Variants in PARVB observed in about 807,000 individuals in gnomAD.
PARVB encodes beta-parvin.
Under a neutral mutation model 47.0 loss-of-function variants are expected in PARVB, and 46 were observed. That is an observed-to-expected ratio of 0.98 (90% CI 0.77 to 1.25). The LOEUF (loss-of-function observed/expected upper bound fraction) is 1.25. PARVB is among the 50% of genes most tolerant of loss of function. The pLI is 0.00. For missense variants in PARVB, 473 were observed against 471.6 expected, an observed-to-expected ratio of 1.00 and a Z score of -0.03; for synonymous variants, 196 against 196.3, an observed-to-expected ratio of 1.00 and a Z score of 0.01.
intron 1 of PARVB, among the ~76,000 whole-genome samples, chr22:44,055,771 C>G (rs2051298874): frequency 6.6e-6 from 1 of 152,090 alleles, no homozygotes; most frequent in Non-Finnish European, 1.5e-5. Flanking sequence ...GCTGGAGACC[C>G]AGGAGGGCCA....
rs2053324870 is a variant in PARVB at position 44,131,644 on chromosome 22, A to AG, written c.517+22dup. 1 of 1,601,736 alleles carries AG rather than the reference A, an allele frequency of 6.2e-7. No homozygotes were observed. The highest frequency in any genetic ancestry group is 8.5e-7 in the Non-Finnish European group (1 of 1,174,394). ...GCGTGGACTGTGAGTTCCACGCCAC[A>AG]GGGGGAGGGACTGTCTGGAGGGAGC... On this transcript the variant is annotated intron_variant, in intron 5 of 12. Transcript: ENST00000338758.
chr22:44,069,884 G>A (rs1005384026), intron 1 of PARVB, among the ~76,000 whole-genome samples: 12 of 152,140 alleles, frequency 7.9e-5, no homozygotes, highest in African/African-American at 2.9e-4. Flanking sequence ...GTAGCTGATC[G>A]TGGCCGGTGC....
rs1485758735 is a variant in PARVB, at chr22:44,170,612, TG to T, written c.*1938del. ...CGCTCACCCCAGCTCTGCAGAGAAC[TG>T]GGGATCCCATCGGCCATGCTTTCTG... On this transcript the variant is annotated 3_prime_UTR_variant, in exon 13 of 13. Coordinates refer to ENST00000338758, the MANE Select transcript of PARVB (RefSeq NM_013327.5). 1 of 152,224 alleles carries T rather than the reference TG, an allele frequency of 6.6e-6. No individual in the cohort carries two copies. The highest frequency in any genetic ancestry group is 1.5e-5 in the Non-Finnish European group (1 of 68,052). The allele number at this position is 152,224 out of a possible 1,614,324, so 9.4% of individuals were successfully genotyped here.
At chr22:44,100,572 A>G (rs984642137) in intron 3 of PARVB, among the ~76,000 whole-genome samples, 2 of 152,070 alleles carry the variant, frequency 1.3e-5, no homozygotes, top group Non-Finnish European at 2.9e-5. Flanking sequence ...CTGAGTGGAC[A>G]GTCAGTTTCC....
At chr22:44,156,428 C>T (rs1383352880) in intron 10 of PARVB, among the ~76,000 whole-genome samples, 9 of 151,936 alleles carry the variant, frequency 5.9e-5, no homozygotes, top group Non-Finnish European at 2.9e-5. Flanking sequence ...TACAGGCATG[C>T]ACCACCACAC....
At chr22:44,028,157 G>A (rs530160277) in intron 1 of PARVB, among the ~76,000 whole-genome samples, 3 of 152,028 alleles carry the variant, frequency 2.0e-5, no homozygotes, top group Admixed American at 6.6e-5. Flanking sequence ...TGCTCTTGCC[G>A]TTGGACATTC....
intron 2 of PARVB, among the ~76,000 whole-genome samples, chr22:44,003,083 T>TTCAA (rs1166941468): frequency 6.6e-6 from 1 of 152,194 alleles, no homozygotes. Flanking sequence ...CCCCGTGCTT[T>TTCAA]TCAATCAATC....
intron 2 of PARVB, among the ~76,000 whole-genome samples, chr22:44,008,914 G>A (rs527324698): frequency 2.0e-5 from 3 of 152,170 alleles, no homozygotes; most frequent in Admixed American, 6.5e-5. Context: ...GCGTGAACCC[G>A]GGAGGCAGAG....
rs1322601542 is a variant in PARVB, at chr22:44,112,999, C to G, written c.274-6039C>G. ...ACCAACACAGATACATTGTTACTAA[C>G]TAAGGCCCTGCACCAGCACAGATAC... On this transcript the variant is annotated intron_variant, in intron 3 of 12. Coordinates refer to ENST00000338758, the MANE Select transcript of PARVB (RefSeq NM_013327.5). 170 of 60,482 alleles carry G rather than the reference C, an allele frequency of 2.8e-3. 5 individuals are homozygous for G. In the Middle Eastern group the frequency reaches 0.033, roughly 12 times the overall value. 3.7% of individuals were successfully genotyped at this position (60,482 alleles called of 1,614,324 possible).
chr22:44,164,896 C>T (rs958581125), intron 12 of PARVB, among the ~76,000 whole-genome samples: 1 of 152,250 alleles, frequency 6.6e-6, no homozygotes, highest in African/African-American at 2.4e-5. Flanking sequence ...TGCCAGTCCA[C>T]GCGGAAGGTT....
intron 3 of PARVB, chr22:44,114,842 C>T (rs200454560): frequency 8.9e-6 from 1 of 112,016 alleles, no homozygotes; most frequent in Non-Finnish European, 1.8e-5. Flanking sequence ...AGGCCCTGTA[C>T]CAACACAGAT....
intron 1 of PARVB, among the ~76,000 whole-genome samples, chr22:44,039,585 T>A (rs552607164): frequency 6.6e-6 from 1 of 151,784 alleles, no homozygotes; most frequent in Non-Finnish European, 1.5e-5. Flanking sequence ...AGAAGACTCT[T>A]GTACAGGAAT....
At chr22:44,138,439 A>G (rs2053485612) in intron 7 of PARVB, among the ~76,000 whole-genome samples, 1 of 152,144 alleles carries the variant, frequency 6.6e-6, no homozygotes, top group Non-Finnish European at 1.5e-5. Context: ...GTCAGGGTAA[A>G]GGAGAGGCTG....
At chr22:44,114,764 T>C (rs2147110428) in intron 3 of PARVB, 1 of 132,480 alleles carries the variant, frequency 7.5e-6, no homozygotes, top group African/African-American at 3.0e-5. Context: ...ACTAAGGCCC[T>C]GCACCAACAC....
intron 2 of PARVB, among the ~76,000 whole-genome samples, chr22:44,003,224 G>A (rs2050430364): frequency 6.6e-6 from 1 of 152,188 alleles, no homozygotes; most frequent in Admixed American, 6.5e-5. Context: ...AATAGAAGGT[G>A]ACCTTCCTGT....
chr22:44,036,627 G>A (rs191491462), intron 1 of PARVB, among the ~76,000 whole-genome samples: 212 of 152,250 alleles, frequency 1.4e-3, no homozygotes, highest in African/African-American at 4.9e-3. Context: ...AGAGTCAACT[G>A]TAATGTCTTT....
At chr22:44,158,158 C>A in intron 11 of PARVB, 75 bp downstream of exon 11, 2 of 982,372 alleles carry the variant, frequency 2.0e-6, no homozygotes, top group Non-Finnish European at 3.2e-6. Flanking sequence ...ACTATCCCGG[C>A]AGCTCTTCCT....
intron 1 of PARVB, among the ~76,000 whole-genome samples, chr22:44,053,264 A>G (rs1220333447): frequency 2.0e-5 from 3 of 151,846 alleles, no homozygotes; most frequent in Non-Finnish European, 2.9e-5. Flanking sequence ...TTGTATTTTT[A>G]GTAGAGACAG....
chr22:44,110,678 C>A (rs1405906842), intron 3 of PARVB: 1 of 152,108 alleles, frequency 6.6e-6, no homozygotes, highest in African/African-American at 2.4e-5. Context: ...CGGCTCACTG[C>A]AACCTCTGCC....
Sources: allele counts gnomAD v4.1 joint callset (sites outside exome capture counted in the v4.1 genomes callset), GRCh38; gene constraint gnomAD v4.1.1; transcripts MANE v1.5; gene names NCBI Gene and HGNC (gene_info 2026-07-23, HGNC 2026-07-21).